Variants in TRMT11 observed in about 807,000 individuals in gnomAD.
The protein encoded by TRMT11 is tRNA (guanine(10)-N(2))-methyltransferase TRMT11.
TRMT11 carries 53 observed loss-of-function variants against 62.8 expected under a neutral mutation model. That is an observed-to-expected ratio of 0.84 (90% CI 0.68 to 1.06). TRMT11 has a LOEUF of 1.06. TRMT11 is among the 50% of genes least tolerant of loss of function. The pLI, the probability that TRMT11 is intolerant of heterozygous loss-of-function variation, is 0.00. For missense variants in TRMT11, 556 were observed against 553.4 expected (o/e 1.00, Z -0.05); for synonymous variants, 188 against 190.3 (o/e 0.99, Z 0.10).
intron 17 of TRMT11, among the ~76,000 whole-genome samples, chr6:126,102,635 A>G (rs1777414849): frequency 1.3e-5 from 2 of 152,050 alleles, no homozygotes; most frequent in Non-Finnish European, 2.9e-5. Context: ...GCAGGAACTG[A>G]GGGCAATGTG....
chr6:126,156,999 C>G (rs1270344630), intron 21 of TRMT11, among the ~76,000 whole-genome samples: 1 of 152,188 alleles, frequency 6.6e-6, no homozygotes, highest in East Asian at 1.9e-4. Context: ...GAGGTTGTAC[C>G]ATTCCAAATG....
intron 17 of TRMT11, among the ~76,000 whole-genome samples, chr6:126,078,320 T>C (rs1231485115): frequency 2.0e-5 from 3 of 152,050 alleles, no homozygotes; most frequent in Non-Finnish European, 4.4e-5. Flanking sequence ...GGTAATTCAA[T>C]AGAAAACATT....
rs374046155 is a variant in TRMT11, at chr6:126,105,594, G to T, written c.*1438-7272G>T. 4.5e-3 allele frequency among the ~76,000 whole-genome samples: 638 copies of T among 141,006 alleles called. 4 individuals carry two copies. Among genetic ancestry groups the T allele is most frequent in the Middle Eastern group, 0.014 (4 of 276 alleles). The allele number at this position is 141,006 out of a possible 152,430, so 92.5% of individuals were successfully genotyped here. On this transcript the variant is annotated intron_variant and NMD_transcript_variant, in intron 17 of 22. Coordinates refer to the TRMT11 transcript ENST00000648977. Reference sequence around the variant, plus strand: ...CAGAGCATGCATGATCTTTAAGATTGTTTTTTTTTTTTAGCTCTCATGCAT... The same window carrying T: ...CAGAGCATGCATGATCTTTAAGATTTTTTTTTTTTTTTAGCTCTCATGCAT...
At chr6:126,091,346 T>C (rs1777274837) in intron 17 of TRMT11, among the ~76,000 whole-genome samples, 1 of 152,200 alleles carries the variant, frequency 6.6e-6, no homozygotes, top group Admixed American at 6.5e-5. Flanking sequence ...CACCGACTTT[T>C]CGCCACTCAC....
intron 11 of TRMT11, among the ~76,000 whole-genome samples, chr6:126,017,371 G>C (rs1795139420): frequency 6.6e-6 from 1 of 152,206 alleles, no homozygotes; most frequent in South Asian, 2.1e-4. Flanking sequence ...AAGCTTAGTT[G>C]TATATGGAAA....
At chr6:125,993,616 TTGTC>T in intron 1 of TRMT11, 137 bp from the exon 2 acceptor site, 2 of 446,516 alleles carry the variant, frequency 4.5e-6, no homozygotes, top group South Asian at 1.0e-4. Context: ...TAAATTGTAA[TTGTC>T]TGATGTTGAA....
the TRMT11 span, among the ~76,000 whole-genome samples, chr6:126,209,725 T>C: frequency 6.6e-6 from 1 of 151,748 alleles, no homozygotes; most frequent in Non-Finnish European, 1.5e-5. Flanking sequence ...CGAGACTCCA[T>C]CTCAAAAAAA....
At chr6:126,174,876 C>T (rs145481161), upstream of TRMT11, among the ~76,000 whole-genome samples, 732 of 152,190 alleles carry the variant, frequency 4.8e-3, 5 homozygotes, top group African/African-American at 0.016. Flanking sequence ...AAGAGTGAGT[C>T]GCAAAAAGAG....
chr6:126,114,293 T>A (rs1207691799), intron 18 of TRMT11, among the ~76,000 whole-genome samples: 1 of 152,080 alleles, frequency 6.6e-6, no homozygotes, highest in African/African-American at 2.4e-5. Flanking sequence ...TCAGAAGTGA[T>A]TCCAGTCTAG....
chr6:126,251,039 T>TA, the TRMT11 span, among the ~76,000 whole-genome samples: 1 of 151,862 alleles, frequency 6.6e-6, no homozygotes, highest in African/African-American at 2.4e-5. Context: ...TTCAATTTTT[T>TA]TTTTTTTCCA....
the TRMT11 span, among the ~76,000 whole-genome samples, chr6:126,251,627 C>T: frequency 6.6e-6 from 1 of 152,166 alleles, no homozygotes; most frequent in Non-Finnish European, 1.5e-5. Flanking sequence ...GTCTAATCCA[C>T]CTCTCTGTCC....
At position 126,066,609 on chromosome 6, in the gene TRMT11, G is replaced by A. The variant is rs571266764; in HGVS notation, c.*1437+13419G>A. Among the ~76,000 whole-genome samples, 182 of 152,206 alleles carry A rather than the reference G, an allele frequency of 1.2e-3. 1 individual carries two copies. The highest frequency in any genetic ancestry group is 2.0e-3 in the Non-Finnish European group (135 of 68,002). ...CCCACCTCTGAAACCATCCCACTGG[G>A]GGTTGGGGTTTTAACATAAATTTTG... On this transcript the variant is annotated intron_variant and NMD_transcript_variant, in intron 17 of 22. Transcript: ENST00000648977.
chr6:126,243,882 T>C, the TRMT11 span, among the ~76,000 whole-genome samples: 12 of 152,060 alleles, frequency 7.9e-5, no homozygotes, highest in African/African-American at 2.4e-4. Flanking sequence ...TGTATACATA[T>C]GTAACAAACC....
At chr6:126,265,020 C>T in the TRMT11 span, among the ~76,000 whole-genome samples, 1 of 152,062 alleles carries the variant, frequency 6.6e-6, no homozygotes, top group South Asian at 2.1e-4. Flanking sequence ...AGCACTACAC[C>T]AAATTTCATT....
At chr6:126,155,143 ATCT>A (rs1778102307) in intron 21 of TRMT11, among the ~76,000 whole-genome samples, 1 of 152,228 alleles carries the variant, frequency 6.6e-6, no homozygotes, top group South Asian at 2.1e-4. Flanking sequence ...TGGCTCCAGC[ATCT>A]TCTTATGGGG....
chr6:126,227,270 A>T, the TRMT11 span, among the ~76,000 whole-genome samples: 1 of 152,246 alleles, frequency 6.6e-6, no homozygotes, highest in Non-Finnish European at 1.5e-5. Flanking sequence ...AAAGCAGGCA[A>T]ATGTGCCATT....
chr6:126,145,325 G>A (rs1423502521), intron 21 of TRMT11, among the ~76,000 whole-genome samples: 1 of 152,164 alleles, frequency 6.6e-6, no homozygotes, highest in African/African-American at 2.4e-5. Flanking sequence ...ACAGAGGAGG[G>A]AAGTAGAAAA....
intron 21 of TRMT11, among the ~76,000 whole-genome samples, chr6:126,152,414 T>C (rs917039582): frequency 6.6e-6 from 1 of 152,166 alleles, no homozygotes; most frequent in Non-Finnish European, 1.5e-5. Flanking sequence ...TTTAACTTGA[T>C]AATGTGTTTG....
At chr6:126,263,722 A>G in the TRMT11 span, among the ~76,000 whole-genome samples, 41,269 of 152,094 alleles carry the variant, frequency 0.27, 6,595 homozygotes, top group East Asian at 0.53. Context: ...AACTTCATCT[A>G]GGGTATTTGG....
Sources: gnomAD v4.1 joint callset for allele counts (sites outside exome capture counted in the v4.1 genomes callset) on GRCh38, gnomAD v4.1.1 for gene constraint, MANE v1.5 for transcripts, NCBI Gene and HGNC (gene_info 2026-07-23, HGNC 2026-07-21) for gene names.